Variants in CERS3 observed in about 807,000 individuals in gnomAD.
CERS3 encodes ceramide synthase 3, also known as LAG1 homolog, ceramide synthase 3.
A neutral mutation model predicts 50.3 loss-of-function variants in CERS3; 33 were observed. The observed-to-expected ratio is 0.66, with a 90% confidence interval of 0.50 to 0.88. The LOEUF (loss-of-function observed/expected upper bound fraction) is 0.88, where lower values mean the gene tolerates loss of function less well. Among genes scored for constraint, CERS3 ranks in the 40% least tolerant of loss-of-function variants. CERS3 has a pLI of 0.00. For synonymous variants in CERS3, 176 were observed against 155.2 expected (o/e 1.13, Z -0.99); for missense variants, 470 against 460.3 (o/e 1.02, Z -0.19).
At chr15:100,424,407 G>GA (rs2032673090) in intron 11 of CERS3, among the ~76,000 whole-genome samples, 1 of 152,324 alleles carries the variant, frequency 6.6e-6, no homozygotes, top group Non-Finnish European at 1.5e-5. Context: ...GAAAGTGAGG[G>GA]AAAGTTTGGA....
intron 11 of CERS3, among the ~76,000 whole-genome samples, chr15:100,406,893 AGCAAG>A (rs2031078806): frequency 6.6e-6 from 1 of 152,240 alleles, no homozygotes; most frequent in South Asian, 2.1e-4. Flanking sequence ...CATGGCAGAA[AGCAAG>A]GAGGAGCAAG....
In CERS3 at chr15:100,471,872, T is replaced by A. The variant is rs1373413623; in HGVS notation, c.738+1052A>T. ...ACTTCTGGTGGCTTCTACAACAGGG[T>A]CTGGTAAATTACAGTCCCCCCATGG... is the stretch of plus-strand genomic sequence containing the variant. On this transcript the variant is annotated intron_variant, in intron 9 of 11. Transcript: ENST00000679737. Among the ~76,000 whole-genome samples the A allele has an allele frequency of 2.0e-5, 3 of 152,264 alleles. No homozygotes were observed. The East Asian group carries it at 5.8e-4, about 29-fold the overall frequency.
intron 11 of CERS3, among the ~76,000 whole-genome samples, chr15:100,407,677 AG>A (rs1322125509): frequency 3.3e-5 from 5 of 152,238 alleles, no homozygotes; most frequent in Non-Finnish European, 7.3e-5. Context: ...GGAAAAAAAA[AG>A]AATGGTTGTA....
intron 2 of CERS3, among the ~76,000 whole-genome samples, chr15:100,507,209 A>G (rs2036210896): frequency 6.6e-6 from 1 of 152,212 alleles, no homozygotes; most frequent in Non-Finnish European, 1.5e-5. Flanking sequence ...TATGGAAGAA[A>G]AAAACAGTAT....
intron 11 of CERS3, among the ~76,000 whole-genome samples, chr15:100,445,611 C>T (rs190411152): frequency 3.5e-4 from 53 of 152,244 alleles, no homozygotes; most frequent in African/African-American, 1.2e-3. Flanking sequence ...CAATATCACC[C>T]CTTACCACAA....
intron 11 of CERS3, among the ~76,000 whole-genome samples, chr15:100,405,323 G>A (rs904763863): frequency 1.5e-4 from 22 of 150,706 alleles, no homozygotes; most frequent in Admixed American, 6.6e-5. Context: ...GACACAGGAT[G>A]ACAAATAAGC....
chr15:100,433,052 C>T (rs1234467198), intron 11 of CERS3, among the ~76,000 whole-genome samples: 9 of 151,886 alleles, frequency 5.9e-5, no homozygotes, highest in East Asian at 1.9e-4. Context: ...CTGGCTAACA[C>T]GGTGAAACCC....
At chr15:100,542,418 T>G (rs1191095460) in intron 1 of CERS3, among the ~76,000 whole-genome samples, 3 of 152,366 alleles carry the variant, frequency 2.0e-5, no homozygotes, top group African/African-American at 4.8e-5. Flanking sequence ...GGCTCATGGC[T>G]TCCATAATCG....
chr15:100,517,776 C>T (rs1276525385), intron 2 of CERS3, among the ~76,000 whole-genome samples: 1 of 152,108 alleles, frequency 6.6e-6, no homozygotes, highest in Non-Finnish European at 1.5e-5. Context: ...GACAAAGATC[C>T]TAGTTCTTGG....
At chr15:100,468,450 G>C (rs911333471) in intron 10 of CERS3, among the ~76,000 whole-genome samples, 1 of 152,194 alleles carries the variant, frequency 6.6e-6, no homozygotes, top group African/African-American at 2.4e-5. Flanking sequence ...AATGCAGCTG[G>C]CTTCCAGGAA....
intron 11 of CERS3, chr15:100,425,887 G>A (rs1259045975): frequency 7.1e-6 from 1 of 139,898 alleles, no homozygotes; most frequent in Admixed American, 6.9e-5. Context: ...TCAAGGGGGT[G>A]GATTTACCCC....
At chr15:100,503,167 G>A (rs907983177) in intron 2 of CERS3, among the ~76,000 whole-genome samples, 6 of 151,646 alleles carry the variant, frequency 4.0e-5, no homozygotes, top group Non-Finnish European at 7.4e-5. Context: ...TTCACAACAA[G>A]GTTGTCAAAA....
intron 11 of CERS3, among the ~76,000 whole-genome samples, chr15:100,452,014 A>C (rs372601202): frequency 7.2e-5 from 11 of 152,240 alleles, no homozygotes; most frequent in African/African-American, 2.7e-4. Context: ...ATGAAGTCCA[A>C]TACAATAATA....
At chr15:100,475,160 A>G (rs1256632083) in intron 8 of CERS3, among the ~76,000 whole-genome samples, 1 of 152,216 alleles carries the variant, frequency 6.6e-6, no homozygotes, top group East Asian at 1.9e-4. Flanking sequence ...TAAAGTTAGT[A>G]TAGTTAATCT....
chr15:100,526,307 G>A (rs1457138484), intron 1 of CERS3, among the ~76,000 whole-genome samples: 1 of 152,218 alleles, frequency 6.6e-6, no homozygotes, highest in African/African-American at 2.4e-5. Context: ...AGCTTCTTGT[G>A]TGGATGGCTT....
chr15:100,402,636 T>G lies in CERS3; in HGVS notation c.*77A>C. ...AAAGAGGGAAGGGCAGAATGTGGGG[T>G]CGGTGTGGGGCCTGGAAGCCAGGCT... On this transcript the variant is annotated 3_prime_UTR_variant, in exon 12 of 12. Coordinates refer to ENST00000679737, the MANE Select transcript of CERS3 (RefSeq NM_001378789.1). The G allele has an allele frequency of 1.4e-6, 2 of 1,417,398 alleles. No individual in the cohort carries two copies. Among genetic ancestry groups the G allele is most frequent in the Non-Finnish European group, 9.6e-7 (1 of 1,039,744 alleles). 87.8% of individuals were successfully genotyped at this position (1,417,398 alleles called of 1,614,324 possible).
chr15:100,494,968 GC>G (rs1409853065), intron 3 of CERS3, among the ~76,000 whole-genome samples: 1 of 152,108 alleles, frequency 6.6e-6, no homozygotes, highest in East Asian at 1.9e-4. Flanking sequence ...TTTATTGTTT[GC>G]CCTAATTGTT....
At chr15:100,541,459 G>A (rs567132457) in intron 1 of CERS3, among the ~76,000 whole-genome samples, 9 of 151,866 alleles carry the variant, frequency 5.9e-5, no homozygotes, top group South Asian at 2.1e-4. Context: ...GTGACAGAGC[G>A]AGACTCCATC....
At chr15:100,540,358 C>A (rs1228580710) in intron 1 of CERS3, among the ~76,000 whole-genome samples, 1 of 152,208 alleles carries the variant, frequency 6.6e-6, no homozygotes, top group Non-Finnish European at 1.5e-5. Flanking sequence ...GCCTGGCCAA[C>A]ATGGCAAAAC....
Sources: gnomAD v4.1 joint callset for allele counts (sites outside exome capture counted in the v4.1 genomes callset) on GRCh38, gnomAD v4.1.1 for gene constraint, MANE v1.5 for transcripts, NCBI Gene and HGNC (gene_info 2026-07-23, HGNC 2026-07-21) for gene names.